Variants in ALMS1 observed in about 807,000 individuals in gnomAD.
The protein encoded by ALMS1 is centrosome-associated protein ALMS1.
A neutral mutation model predicts 352.2 loss-of-function variants in ALMS1; 271 were observed. The ratio of observed to expected loss-of-function variants is 0.77; its 90% CI spans 0.70 to 0.85. The LOEUF is 0.85. Among genes scored for constraint, ALMS1 ranks in the 40% least tolerant of loss-of-function variants. The pLI is 0.00. For synonymous variants in ALMS1, 1,865 were observed against 1,761.2 expected, an observed-to-expected ratio of 1.06 and a Z score of -1.48; for missense variants, 5,445 against 4,870.7, an observed-to-expected ratio of 1.12 and a Z score of -3.51.
intron 2 of ALMS1, among the ~76,000 whole-genome samples, chr2:73,413,482 G>T (rs1291477658): frequency 6.6e-6 from 1 of 152,038 alleles, no homozygotes; most frequent in Admixed American, 6.6e-5. Context: ...ATTCTTCATA[G>T]TGGGGGTCTG....
rs779529615 is a variant in ALMS1, at chr2:73,423,014, G to T, written c.764+40G>T. The T allele has an allele frequency of 4.6e-6, 7 of 1,529,886 alleles. No individual in the cohort carries two copies. The Admixed American group carries it at 8.4e-5, about 18-fold the overall frequency. The allele number at this position is 1,529,886 out of a possible 1,614,324, so 94.8% of individuals were successfully genotyped here. On this transcript the variant is annotated intron_variant, in intron 4 of 22. Transcript: ENST00000613296. ...TTGCATGTAACCTTTCTCACTTCTT[G>T]TTCTATGTTTTTACTAATATTAGTG...
At chr2:73,481,244 A>G (rs540615538) in intron 9 of ALMS1, among the ~76,000 whole-genome samples, 15 of 152,264 alleles carry the variant, frequency 9.9e-5, no homozygotes, top group African/African-American at 3.6e-4. Context: ...ATCTTGAATT[A>G]ATTTTTGTAT....
intron 7 of ALMS1, among the ~76,000 whole-genome samples, chr2:73,440,560 A>G (rs1671699225): frequency 6.6e-6 from 1 of 151,408 alleles, no homozygotes. Flanking sequence ...AGTAGCTGGA[A>G]TCATGGGCGT....
intron 3 of ALMS1, among the ~76,000 whole-genome samples, chr2:73,420,700 A>G (rs1222958998): frequency 6.6e-6 from 1 of 152,178 alleles, no homozygotes; most frequent in Non-Finnish European, 1.5e-5. Context: ...GTGACCTAAA[A>G]TGTTTTCTAA....
At chr2:73,604,854 AC>A (rs1365387338) in intron 21 of ALMS1, among the ~76,000 whole-genome samples, 6 of 152,198 alleles carry the variant, frequency 3.9e-5, no homozygotes, top group Non-Finnish European at 7.3e-5. Flanking sequence ...CTGGTGTCTT[AC>A]CACTATTCAA....
At chr2:73,504,553 GTTC>G (rs1673281920) in intron 10 of ALMS1, among the ~76,000 whole-genome samples, 1 of 152,132 alleles carries the variant, frequency 6.6e-6, no homozygotes, top group Admixed American at 6.5e-5. Context: ...TTTGAGATGT[GTTC>G]TTCTTACTCA....
intron 7 of ALMS1, among the ~76,000 whole-genome samples, chr2:73,441,050 A>T (rs1418255012): frequency 6.6e-6 from 1 of 152,046 alleles, no homozygotes; most frequent in Non-Finnish European, 1.5e-5. Flanking sequence ...GCTGTGTGGG[A>T]AGGGGGAGAT....
Position 73,449,529 on chromosome 2 carries a change from G to T in ALMS1, c.3002G>T (p.Gly1001Val), listed in dbSNP as rs773630367. 20 of 1,613,794 alleles carry T rather than the reference G, an allele frequency of 1.2e-5. No homozygotes were observed. The highest frequency in any genetic ancestry group is 1.7e-5 in the Admixed American group (1 of 59,944). The change falls in exon 8 of 23, where the codon GGT (glycine) becomes GTT (valine). Residue 1001 changes from glycine (G) to valine (V), a missense_variant. Transcript: ENST00000613296. Reference sequence around the variant, plus strand: ...GTCCCAACACCAACAGTACCTTCAGGTTCCTTCTCACATAGAGAGAAGCCC... The same window carrying T: ...GTCCCAACACCAACAGTACCTTCAGTTTCCTTCTCACATAGAGAGAAGCCC... ...KTVPTPTVPSGSFSHREKPSI... is the reference protein window; with the variant it reads ...KTVPTPTVPSVSFSHREKPSI...
chr2:73,404,196 G>T (rs72909305), intron 1 of ALMS1, among the ~76,000 whole-genome samples: 4,364 of 152,286 alleles, frequency 0.029, 213 homozygotes, highest in African/African-American at 0.098. Flanking sequence ...ACTGTGCCTG[G>T]CCTATTCATT....
chr2:73,488,887 T>C (rs934640378), intron 9 of ALMS1, among the ~76,000 whole-genome samples: 1 of 152,174 alleles, frequency 6.6e-6, no homozygotes, highest in Admixed American at 6.5e-5. Flanking sequence ...AAGGTCTTGG[T>C]TTTTTCCCCC....
chr2:73,476,728 T>C (rs1572958135), intron 9 of ALMS1, among the ~76,000 whole-genome samples: 1 of 152,086 alleles, frequency 6.6e-6, no homozygotes, highest in Admixed American at 6.6e-5. Flanking sequence ...TCTGGAGAAA[T>C]GTCTATTATT....
chr2:73,553,349 A>G (rs1047812847), intron 13 of ALMS1, among the ~76,000 whole-genome samples: 1 of 152,222 alleles, frequency 6.6e-6, no homozygotes, highest in Admixed American at 6.5e-5. Flanking sequence ...GGAGGGGGCC[A>G]ACACAGGAAA....
At chr2:73,550,560 T>C (rs1034060145) in intron 13 of ALMS1, 123 bp downstream of exon 13, 58 of 1,264,856 alleles carry the variant, frequency 4.6e-5, no homozygotes, top group African/African-American at 3.6e-4. Context: ...CTTGCTGTTA[T>C]ATTGAGCATA....
At position 73,451,588 on chromosome 2, in the gene ALMS1, A is replaced by G; in HGVS notation, c.5061A>G (p.Glu1687=). The change falls in exon 8 of 23, where the codon GAA becomes GAG. Residue 1687 remains glutamate (E), a synonymous_variant. Coordinates refer to ENST00000613296, the MANE Select transcript of ALMS1 (RefSeq NM_001378454.1). ...TATCAGACAGTCATTTACCTGAAGAAGCTCTGAAAGTTCCACCTGTTCCTG... is the reference window on the plus strand; with the variant it reads ...TATCAGACAGTCATTTACCTGAAGAGGCTCTGAAAGTTCCACCTGTTCCTG... ...QTLSDSHLPE[E]ALKVPPVPGP... 1 of 1,613,906 alleles carries G rather than the reference A, an allele frequency of 6.2e-7. No homozygotes were observed. The highest frequency in any genetic ancestry group is 8.5e-7 in the Non-Finnish European group (1 of 1,179,934).
intron 11 of ALMS1, among the ~76,000 whole-genome samples, chr2:73,527,530 A>G (rs1673817801): frequency 6.6e-6 from 1 of 151,642 alleles, no homozygotes; most frequent in Admixed American, 6.6e-5. Context: ...ATTTTTTTCT[A>G]GCTTTTTCAA....
At chr2:73,497,340 T>G (rs1471666461) in intron 10 of ALMS1, among the ~76,000 whole-genome samples, 4 of 152,178 alleles carry the variant, frequency 2.6e-5, no homozygotes, top group Admixed American at 6.5e-5. Flanking sequence ...AAGGTTGTTT[T>G]GGTTACATGG....
intron 7 of ALMS1, among the ~76,000 whole-genome samples, chr2:73,439,129 T>C (rs1301611463): frequency 6.6e-6 from 1 of 150,510 alleles, no homozygotes; most frequent in Non-Finnish European, 1.5e-5. Context: ...TTTTTTTTTT[T>C]TTAAATAAAG....
chr2:73,572,701 A>G lies in ALMS1; in HGVS notation c.10824A>G (p.Arg3608=). ...AACTGTGGAACAAGTATCGGGAGCG[A>G]CAGAGGCAACAGAGACAGCCTGAGT... is the stretch of plus-strand genomic sequence containing the variant. ...LNELWNKYRE[R]QRQQRQPELG... The change falls in exon 16 of 23, where the codon CGA becomes CGG. Residue 3608 remains arginine (R), a synonymous_variant. Transcript: ENST00000613296. The G allele has an allele frequency of 6.2e-7, 1 of 1,614,096 alleles. No homozygotes were observed. Among genetic ancestry groups the G allele is most frequent in the Non-Finnish European group, 8.5e-7 (1 of 1,180,000 alleles).
At chr2:73,596,860 C>CTTTTTTTTTTTTTTTTTTTTT (rs70965740) in intron 16 of ALMS1, among the ~76,000 whole-genome samples, 12 of 104,244 alleles carry the variant, frequency 1.2e-4, no homozygotes, top group African/African-American at 1.5e-4. Context: ...CCCTCTACCT[C>CTTTTTTTTTTTTTTTTTTTTT]TTTTTTTTTT....
Sources: allele counts gnomAD v4.1 joint callset (sites outside exome capture counted in the v4.1 genomes callset), GRCh38; gene constraint gnomAD v4.1.1; transcripts MANE v1.5; gene names NCBI Gene and HGNC (gene_info 2026-07-23, HGNC 2026-07-21).